The following RIN2 variants were observed in gnomAD, a reference collection of about 807,000 sequenced individuals.
The protein encoded by RIN2 is RAB5 interacting protein 2.
A neutral mutation model predicts 78.0 loss-of-function variants in RIN2; 36 were observed. The observed-to-expected ratio is 0.46, with a 90% CI of 0.35 to 0.61. The LOEUF is 0.61. Among genes scored for constraint, RIN2 ranks in the 20% least tolerant of loss-of-function variants. RIN2 has a pLI of 0.00. For synonymous variants in RIN2, 466 were observed against 466.8 expected, an observed-to-expected ratio of 1.00 and a Z score of 0.02; for missense variants, 1,087 against 1,159.7, an observed-to-expected ratio of 0.94 and a Z score of 0.91.
chr20:19,820,313 G>A (rs887022892), intron 2 of RIN2, among the ~76,000 whole-genome samples: 3 of 152,170 alleles, frequency 2.0e-5, no homozygotes, highest in Non-Finnish European at 4.4e-5. Flanking sequence ...ATGAACAGAT[G>A]CCAGTTTTAA....
intron 2 of RIN2, among the ~76,000 whole-genome samples, chr20:19,806,165 G>C (rs1190996107): frequency 6.6e-6 from 1 of 152,202 alleles, no homozygotes; most frequent in Non-Finnish European, 1.5e-5. Flanking sequence ...ATTGTGAACA[G>C]TGCTGCAATA....
intron 2 of RIN2, among the ~76,000 whole-genome samples, chr20:19,816,256 T>C (rs1354779602): frequency 6.6e-6 from 1 of 152,248 alleles, no homozygotes; most frequent in African/African-American, 2.4e-5. Context: ...TAATCAATTA[T>C]TCTCCATAAG....
intron 2 of RIN2, among the ~76,000 whole-genome samples, chr20:19,837,237 T>G (rs2036449950): frequency 6.6e-6 from 1 of 151,330 alleles, no homozygotes; most frequent in African/African-American, 2.4e-5. Context: ...GCTTGGGTTT[T>G]AACCCAGCTC....
At chr20:19,938,892 AG>A (rs1310904662) in intron 4 of RIN2, among the ~76,000 whole-genome samples, 1 of 152,168 alleles carries the variant, frequency 6.6e-6, no homozygotes, top group African/African-American at 2.4e-5. Flanking sequence ...CTGCCCACTC[AG>A]GAAGTGTTCC....
chr20:19,899,845 T>G (rs2038902097), intron 3 of RIN2, among the ~76,000 whole-genome samples: 1 of 152,212 alleles, frequency 6.6e-6, no homozygotes, highest in African/African-American at 2.4e-5. Context: ...TAGAAGCCAG[T>G]CAATAAGTCT....
At chr20:19,974,629 T>C (rs766212347) in intron 8 of RIN2, 25 bp from the exon 9 acceptor site, 3 of 1,601,534 alleles carry the variant, frequency 1.9e-6, no homozygotes, top group Non-Finnish European at 2.6e-6. Flanking sequence ...TTTACATTCT[T>C]GTGTTCACTG....
At chr20:19,987,779 T>C (rs374095619) in intron 9 of RIN2, among the ~76,000 whole-genome samples, 6 of 152,226 alleles carry the variant, frequency 3.9e-5, no homozygotes, top group African/African-American at 1.4e-4. Flanking sequence ...ATGCCAGATG[T>C]GAATAAGTTG....
In RIN2 at chr20:19,806,447, C is replaced by T. The variant is rs879941272; in HGVS notation, c.-37+6700C>T. ...GTGAGATGGACTTTTTAAAAAGCAA[C>T]GATGAACATCATGATTATATCCTGT... is the stretch of plus-strand genomic sequence containing the variant. On this transcript the variant is annotated intron_variant, in intron 2 of 12. Coordinates refer to ENST00000255006, the MANE Select transcript of RIN2 (RefSeq NM_018993.4). Among the ~76,000 whole-genome samples, 28 of 152,316 alleles carry T rather than the reference C, an allele frequency of 1.8e-4. 1 individual carries two copies. The highest frequency in any genetic ancestry group is 5.8e-4 in the East Asian group (3 of 5,186).
At chr20:19,820,380 C>T (rs959561885) in intron 2 of RIN2, among the ~76,000 whole-genome samples, 1 of 152,126 alleles carries the variant, frequency 6.6e-6, no homozygotes, top group Admixed American at 6.5e-5. Context: ...AACGTATCAC[C>T]AAAAAGTAAA....
chr20:19,930,337 G>A (rs369445623), intron 3 of RIN2, among the ~76,000 whole-genome samples: 18 of 152,198 alleles, frequency 1.2e-4, no homozygotes, highest in East Asian at 1.2e-3. Context: ...CACAGACACC[G>A]TCAGCTTCTT....
At position 20,002,000 on chromosome 20, in the gene RIN2, C is replaced by G. The variant is rs1422432578; in HGVS notation, c.*1064C>G. The G allele has an allele frequency of 1.3e-5, 2 of 152,576 alleles. No homozygotes were observed. The highest frequency in any genetic ancestry group is 2.9e-5 in the Non-Finnish European group (2 of 68,036). 9.5% of individuals were successfully genotyped at this position (152,576 alleles called of 1,614,324 possible). On this transcript the variant is annotated 3_prime_UTR_variant, in exon 13 of 13. Coordinates refer to ENST00000255006, the MANE Select transcript of RIN2 (RefSeq NM_018993.4). ...TAAAAATCAAGAAGAACACTTTTCT[C>G]CCTTTTCCATACAAATTAAAACTTA...
At position 19,935,115 on chromosome 20, in the gene RIN2, C is replaced by T; in HGVS notation, c.74C>T (p.Ala25Val). 1 of 1,599,230 alleles carries T rather than the reference C, an allele frequency of 6.3e-7. No homozygotes were observed. The change falls in exon 4 of 13, where the codon GCC becomes GTC. Residue 25 changes from alanine to valine, a missense_variant. By Grantham distance (64) the Ala-to-Val change is moderately conservative. Transcript: ENST00000255006. ...GSFFKLIDTI[A>V]SEIGELKQEM... ...TTTGAATAGCTCATTGACACAATTG[C>T]CTCGGAGATCGGAGAACTGAAACAG...
intron 3 of RIN2, among the ~76,000 whole-genome samples, chr20:19,906,496 T>G (rs1028401017): frequency 1.3e-5 from 2 of 152,180 alleles, no homozygotes; most frequent in African/African-American, 4.8e-5. Flanking sequence ...GGTGTTAACC[T>G]TGGATGCTTA....
intron 1 of RIN2, among the ~76,000 whole-genome samples, chr20:19,758,795 C>T (rs1361234363): frequency 6.6e-6 from 1 of 152,184 alleles, no homozygotes; most frequent in Non-Finnish European, 1.5e-5. Context: ...GCGCGCGGGT[C>T]AGACCCGGTG....
chr20:19,906,659 G>A (rs139746740), intron 3 of RIN2, among the ~76,000 whole-genome samples: 1 of 152,256 alleles, frequency 6.6e-6, no homozygotes, highest in Non-Finnish European at 1.5e-5. Context: ...CATCTAACAA[G>A]GCAGCATCAC....
chr20:19,827,586 T>C (rs1165870591), intron 2 of RIN2, among the ~76,000 whole-genome samples: 1 of 152,156 alleles, frequency 6.6e-6, no homozygotes, highest in Non-Finnish European at 1.5e-5. Context: ...CTCACATGCA[T>C]TTAACTTATA....
rs568894354 is a variant in RIN2 at position 19,767,695 on chromosome 20, C to T, written c.-163+9368C>T. 9.2e-5 allele frequency among the ~76,000 whole-genome samples: 14 copies of T among 152,024 alleles called. No homozygotes were observed. The East Asian group carries it at 9.7e-4, about 11-fold the overall frequency. On this transcript the variant is annotated intron_variant, in intron 1 of 12. Transcript: ENST00000255006. ...TCCCAGGACTTTGTGGGGGCTAAGG[C>T]GGGTGGATCACCTGAGGTCAGGAGT...
At chr20:19,771,078 G>C (rs955961606) in intron 1 of RIN2, among the ~76,000 whole-genome samples, 2 of 152,204 alleles carry the variant, frequency 1.3e-5, no homozygotes, top group Non-Finnish European at 2.9e-5. Flanking sequence ...AGAAGCACAG[G>C]GGGAGGCCAG....
rs117648151 is a variant in RIN2, at chr20:19,788,644, A to G, written c.-162-10978A>G. ...TTAAAATTGCCATTACTCAGGAGTTAATATACTAGTAACAAGTAGAAAATT... is the reference window on the plus strand; with the variant it reads ...TTAAAATTGCCATTACTCAGGAGTTGATATACTAGTAACAAGTAGAAAATT... On this transcript the variant is annotated intron_variant, in intron 1 of 12. Coordinates refer to ENST00000255006, the MANE Select transcript of RIN2 (RefSeq NM_018993.4). Among the ~76,000 whole-genome samples the G allele has an allele frequency of 6.8e-3, 1,028 of 152,062 alleles. 8 individuals carry two copies. Among genetic ancestry groups the G allele is most frequent in the Middle Eastern group, 0.014 (4 of 294 alleles).
Sources: gnomAD v4.1 joint callset for allele counts (sites outside exome capture counted in the v4.1 genomes callset) on GRCh38, gnomAD v4.1.1 for gene constraint, MANE v1.5 for transcripts, NCBI Gene and HGNC (gene_info 2026-07-23, HGNC 2026-07-21) for gene names.